PTGS1: variants seen among roughly 807,000 people sequenced by gnomAD.
PTGS1 encodes the protein prostaglandin G/H synthase 1.
Under a neutral mutation model 63.0 loss-of-function variants are expected in PTGS1, and 40 were observed. That is an observed-to-expected ratio of 0.63 (90% CI 0.49 to 0.83). The LOEUF (loss-of-function observed/expected upper bound fraction) is 0.83. PTGS1 is among the 40% of genes least tolerant of loss of function. PTGS1 has a pLI of 0.00. For synonymous variants in PTGS1, 298 were observed against 301.9 expected, an observed-to-expected ratio of 0.99 and a Z score of 0.13; for missense variants, 709 against 786.5, an observed-to-expected ratio of 0.90 and a Z score of 1.18.
At chr9:122,383,835 G>A (rs1262439202) in intron 8 of PTGS1, 80 bp downstream of exon 8, 2 of 1,546,838 alleles carry the variant, frequency 1.3e-6, no homozygotes, top group Non-Finnish European at 1.7e-6. Flanking sequence ...GTACTTAGAG[G>A]TGGAGGCTGG....
chr9:122,377,946 C>T lies in PTGS1; in HGVS notation c.142C>T (p.Arg48Cys), dbSNP rs368356508. The T allele has an allele frequency of 9.3e-6, 15 of 1,614,094 alleles. No homozygotes were observed. The highest frequency in any genetic ancestry group is 3.3e-4 in the Middle Eastern group (2 of 6,062). The change falls in exon 3 of 11, where the codon CGC becomes TGC. Residue 48 changes from arginine to cysteine, a missense_variant. Physicochemically the swap from Arg to Cys is radical, Grantham distance 180. Coordinates refer to ENST00000362012, the MANE Select transcript of PTGS1 (RefSeq NM_000962.4). The part of the protein sequence containing the change: ...YPCQHQGICV[R>C]FGLDRYQCDC... The stretch of plus-strand genomic sequence containing the variant: ...ATGCCAGCACCAGGGCATCTGTGTC[C>T]GCTTCGGCCTTGACCGCTACCAGTG...
In PTGS1 at chr9:122,377,900, G is replaced by A; in HGVS notation, c.96G>A (p.Val32=). The A allele has an allele frequency of 6.2e-7, 1 of 1,613,796 alleles. No homozygotes were observed. Among genetic ancestry groups the A allele is most frequent in the Non-Finnish European group, 8.5e-7 (1 of 1,179,810 alleles). Residue 32 remains valine (V), a splice_region_variant and synonymous_variant, in exon 3 of 11, where the codon GTG becomes GTA. Coordinates refer to ENST00000362012, the MANE Select transcript of PTGS1 (RefSeq NM_000962.4). ...CTGACCTCCATTTCTCACCCACAGT[G>A]AATCCCTGTTGTTACTATCCATGCC... ...LLADPGAPTP[V]NPCCYYPCQH... is the part of the protein sequence containing the mutation.
intron 2 of PTGS1, among the ~76,000 whole-genome samples, chr9:122,377,414 T>C (rs1398278960): frequency 1.3e-5 from 2 of 151,834 alleles, no homozygotes; most frequent in African/African-American, 4.8e-5. Flanking sequence ...CTAGTGTTCA[T>C]GGGGTGGTGG....
chr9:122,372,247 G>C (rs115729074), intron 2 of PTGS1, among the ~76,000 whole-genome samples: 1 of 152,266 alleles, frequency 6.6e-6, no homozygotes, highest in African/African-American at 2.4e-5. Flanking sequence ...GATCTGGTGC[G>C]TGGGGGAAAG....
At position 122,381,571 on chromosome 9, in the gene PTGS1, C is replaced by G; in HGVS notation, c.678+19C>G. ...CCATGGGGTGAGTACCTAGGAGGGG[C>G]TCAGGACTGCTCTGGACCTAATTTG... On this transcript the variant is annotated intron_variant, in intron 6 of 10. Coordinates refer to ENST00000362012, the MANE Select transcript of PTGS1 (RefSeq NM_000962.4). 1 of 1,614,010 alleles carries G rather than the reference C, an allele frequency of 6.2e-7. No individual in the cohort carries two copies. Among genetic ancestry groups the G allele is most frequent in the Non-Finnish European group, 8.5e-7 (1 of 1,179,866 alleles).
Position 122,386,619 on chromosome 9 carries a change from A to T in PTGS1, c.1183A>T (p.Lys395Ter), listed in dbSNP as rs1837889941. The T allele has an allele frequency of 6.8e-6, 11 of 1,614,088 alleles. No individual in the cohort carries two copies. Among genetic ancestry groups the T allele is most frequent in the Non-Finnish European group, 9.3e-6 (11 of 1,180,044 alleles). The change falls in exon 9 of 11, where the codon AAG (lysine) becomes TAG (stop). Residue 395 changes from lysine (K) to a stop codon, truncating the protein, a stop_gained. Coordinates refer to ENST00000362012, the MANE Select transcript of PTGS1 (RefSeq NM_000962.4). LOFTEE classifies it high-confidence loss of function. ...GCACCCCCTCATGCCTGACTCCTTC[A>T]AGGTGGGCTCCCAGGAGTACAGCTA... ...HWHPLMPDSF[K>*]VGSQEYSYEQ...
chr9:122,392,261 T>C lies in PTGS1; in HGVS notation c.1517T>C (p.Leu506Pro). 6.2e-7 allele frequency: 1 copy of C among 1,613,486 alleles called. No individual in the cohort carries two copies. ...DIDALEFYPG[L>P]LLEKCHPNSI... ...GATGCGTTGGAGTTCTACCCTGGAC[T>C]GCTTCTTGAAAAGTGCCATCCAAAC... Residue 506 changes from leucine to proline, a missense_variant, in exon 11 of 11, where the codon CTG (leucine) becomes CCG (proline). Coordinates refer to ENST00000362012, the MANE Select transcript of PTGS1 (RefSeq NM_000962.4).
intron 8 of PTGS1, 93 bp from the exon 9 acceptor site, chr9:122,386,353 A>G (rs6478565): frequency 0.19 from 262,569 of 1,366,924 alleles, 33,395 homozygotes; most frequent in African/African-American, 0.62. Context: ...AGAGACCAAA[A>G]GCAAGCACCT....
chr9:122,392,322 TC>T lies in PTGS1; in HGVS notation c.1581del (p.Ser529ProfsTer6). The T allele has an allele frequency of 6.2e-7, 1 of 1,614,136 alleles. No homozygotes were observed. The highest frequency in any genetic ancestry group is 8.5e-7 in the Non-Finnish European group (1 of 1,180,020). ...FGESMIEIGA[P>X]FSLKGLLGNP... ...GGGAGAGTATGATAGAGATTGGGGC[TC>T]CCTTTTCCCTCAAGGGTCTCCTAGG... is the stretch of plus-strand genomic sequence containing the variant. On this transcript the variant is annotated frameshift_variant, in exon 11 of 11. Coordinates refer to ENST00000362012, the MANE Select transcript of PTGS1 (RefSeq NM_000962.4). LOFTEE classifies it high-confidence loss of function.
At chr9:122,388,678 T>C (rs1018659354) in intron 9 of PTGS1, among the ~76,000 whole-genome samples, 3 of 152,212 alleles carry the variant, frequency 2.0e-5, no homozygotes, top group African/African-American at 7.2e-5. Context: ...CTCAAGGCTC[T>C]ATGCCTCCTT....
At chr9:122,375,868 G>A (rs1416482400) in intron 2 of PTGS1, among the ~76,000 whole-genome samples, 1 of 152,100 alleles carries the variant, frequency 6.6e-6, no homozygotes, top group Non-Finnish European at 1.5e-5. Context: ...GCTGTGGCAG[G>A]GATGGGGAAA....
intron 7 of PTGS1, 140 bp downstream of exon 7, chr9:122,381,887 T>C (rs1837552965): frequency 2.3e-6 from 2 of 865,240 alleles, no homozygotes; most frequent in South Asian, 3.1e-5. Context: ...GGAGCGACAG[T>C]ATACGCTGGG....
intron 2 of PTGS1, among the ~76,000 whole-genome samples, chr9:122,374,305 C>G (rs894665516): frequency 1.3e-5 from 2 of 152,142 alleles, no homozygotes; most frequent in African/African-American, 4.8e-5. Context: ...GACAGATTGG[C>G]TCTACCCAGA....
intron 10 of PTGS1, among the ~76,000 whole-genome samples, chr9:122,391,402 TATATATACATATATATATATATATAC>T (rs1838263611): frequency 3.6e-5 from 2 of 55,984 alleles, no homozygotes; most frequent in Non-Finnish European, 5.2e-5. Context: ...TATATACATA[TATATATACATATATATATATATATAC>T]ATATATATAT....
At position 122,386,625 on chromosome 9, in the gene PTGS1, G is replaced by C. The variant is rs544792959; in HGVS notation, c.1189G>C (p.Gly397Arg). ...HPLMPDSFKV[G>R]SQEYSYEQFL... ...CCTCATGCCTGACTCCTTCAAGGTG[G>C]GCTCCCAGGAGTACAGCTACGAGCA... The change falls in exon 9 of 11, where the codon GGC becomes CGC. Residue 397 changes from glycine (G) to arginine (R), a missense_variant. Coordinates refer to ENST00000362012, the MANE Select transcript of PTGS1 (RefSeq NM_000962.4). 1.7e-5 allele frequency: 28 copies of C among 1,614,036 alleles called. No homozygotes were observed. Among genetic ancestry groups the C allele is most frequent in the Non-Finnish European group, 2.3e-5 (27 of 1,180,036 alleles).
chr9:122,392,472 C>G lies in PTGS1; in HGVS notation c.1728C>G (p.Tyr576Ter), dbSNP rs1216239570. The G allele has an allele frequency of 6.2e-7, 1 of 1,614,182 alleles. No homozygotes were observed. Among genetic ancestry groups the G allele is most frequent in the African/African-American group, 1.3e-5 (1 of 75,030 alleles). ...LVCLNTKTCPYVSFRVPDASQ... is the reference protein window; with the variant it reads ...LVCLNTKTCP ...GCCTCAACACCAAGACCTGTCCCTA[C>G]GTTTCCTTCCGTGTGCCGGATGCCA... The change falls in exon 11 of 11, where the codon TAC becomes TAG. Residue 576 changes from tyrosine (Y) to a stop codon, truncating the protein, a stop_gained. Coordinates refer to ENST00000362012, the MANE Select transcript of PTGS1 (RefSeq NM_000962.4). LOFTEE classifies it high-confidence loss of function.
At chr9:122,380,377 A>T (rs1837432746) in intron 5 of PTGS1, among the ~76,000 whole-genome samples, 1 of 152,064 alleles carries the variant, frequency 6.6e-6, no homozygotes, top group African/African-American at 2.4e-5. Context: ...AGGTGGGTGG[A>T]TCAATTGAGC....
At position 122,386,683 on chromosome 9, in the gene PTGS1, A is replaced by G. The variant is rs1262695164; in HGVS notation, c.1247A>G (p.Tyr416Cys). 8 of 1,614,178 alleles carry G rather than the reference A, an allele frequency of 5.0e-6. No homozygotes were observed. In the South Asian group the frequency reaches 5.5e-5, roughly 11 times the overall value. The change falls in exon 9 of 11, where the codon TAT becomes TGT. Residue 416 changes from tyrosine to cysteine, a missense_variant. Tyr to Cys is a radical substitution (Grantham distance 194). Transcript: ENST00000362012. ...TTCAACACCTCCATGTTGGTGGACTATGGGGTTGAGGCCCTGGTGGATGCC... is the reference window on the plus strand; with the variant it reads ...TTCAACACCTCCATGTTGGTGGACTGTGGGGTTGAGGCCCTGGTGGATGCC... ...FLFNTSMLVD[Y>C]GVEALVDAFS...
chr9:122,375,301 C>A (rs371339738), intron 2 of PTGS1: 1 of 985,470 alleles, frequency 1.0e-6, no homozygotes, highest in Non-Finnish European at 1.2e-6. Flanking sequence ...TGTGGGCAGC[C>A]GTTCCAGCTT....
Sources: allele counts gnomAD v4.1 joint callset (sites outside exome capture counted in the v4.1 genomes callset), GRCh38; gene constraint gnomAD v4.1.1; transcripts MANE v1.5; gene names NCBI Gene and HGNC (gene_info 2026-07-23, HGNC 2026-07-21).